ZNF385D: variants seen among roughly 807,000 people sequenced by gnomAD.
ZNF385D encodes the protein zinc finger protein 385D.
Under a neutral mutation model 35.8 loss-of-function variants are expected in ZNF385D, and 15 were observed. The observed-to-expected ratio is 0.42, with a 90% CI of 0.28 to 0.64. ZNF385D has a LOEUF of 0.64. Among genes scored for constraint, ZNF385D ranks in the 30% least tolerant of loss-of-function variants. The pLI, the probability that ZNF385D is intolerant of heterozygous loss-of-function variation, is 0.23. For synonymous variants in ZNF385D, 212 were observed against 186.8 expected (o/e 1.13, Z -1.10); for missense variants, 474 against 494.6 (o/e 0.96, Z 0.39).
intron 3 of ZNF385D, among the ~76,000 whole-genome samples, chr3:22,119,152 G>A (rs1165866448): frequency 6.6e-6 from 1 of 152,148 alleles, no homozygotes; most frequent in African/African-American, 2.4e-5. Flanking sequence ...CCACCCGCCT[G>A]ATGAACTTTG....
chr3:22,367,056 ATTC>A (rs1363932814), intron 2 of ZNF385D, among the ~76,000 whole-genome samples: 2 of 152,240 alleles, frequency 1.3e-5, no homozygotes, highest in Non-Finnish European at 2.9e-5. Context: ...GAAAGAATAT[ATTC>A]TTATTGTTTT....
At chr3:21,700,824 T>C (rs1249186013) in intron 1 of ZNF385D, among the ~76,000 whole-genome samples, 1 of 152,214 alleles carries the variant, frequency 6.6e-6, no homozygotes, top group Non-Finnish European at 1.5e-5. Context: ...AGGTAAGACA[T>C]CCAAAGCAGT....
chr3:21,980,766 T>G (rs535230817), intron 3 of ZNF385D, among the ~76,000 whole-genome samples: 11 of 152,274 alleles, frequency 7.2e-5, no homozygotes, highest in African/African-American at 2.6e-4. Context: ...CTTCTTTGTG[T>G]TCATAAGTTC....
At chr3:21,914,318 A>G (rs1239443234) in intron 3 of ZNF385D, among the ~76,000 whole-genome samples, 1 of 151,572 alleles carries the variant, frequency 6.6e-6, no homozygotes, top group Non-Finnish European at 1.5e-5. Context: ...TAAGTAAATT[A>G]TCTTCAAATG....
chr3:22,016,935 G>GACACAC (rs140018760), intron 3 of ZNF385D, among the ~76,000 whole-genome samples: 5,930 of 148,832 alleles, frequency 0.04, 386 homozygotes, highest in African/African-American at 0.14. Context: ...CCATCCATCG[G>GACACAC]ACACACACAC....
At chr3:21,731,370 CAG>C (rs1383050707) in intron 1 of ZNF385D, among the ~76,000 whole-genome samples, 2 of 152,086 alleles carry the variant, frequency 1.3e-5, no homozygotes, top group Non-Finnish European at 2.9e-5. Context: ...TTTAGGCTCA[CAG>C]CCATATTGAA....
chr3:21,478,307 G>A (rs1704379699), intron 4 of ZNF385D, among the ~76,000 whole-genome samples: 1 of 152,058 alleles, frequency 6.6e-6, no homozygotes, highest in Non-Finnish European at 1.5e-5. Flanking sequence ...TCTCTGCAGT[G>A]TTCTTCCCTA....
intron 2 of ZNF385D, among the ~76,000 whole-genome samples, chr3:22,210,802 G>A (rs1346640102): frequency 6.7e-6 from 1 of 150,300 alleles, no homozygotes; most frequent in Non-Finnish European, 1.5e-5. Context: ...CACCACTCTG[G>A]ATCCATGTAC....
chr3:21,563,608 A>C (rs910297993), intron 3 of ZNF385D, among the ~76,000 whole-genome samples: 2 of 152,324 alleles, frequency 1.3e-5, no homozygotes, highest in South Asian at 2.1e-4. Context: ...TAAGAGTCCT[A>C]CTTGACTGGA....
chr3:21,704,200 C>A (rs2067811300), intron 1 of ZNF385D, among the ~76,000 whole-genome samples: 1 of 152,184 alleles, frequency 6.6e-6, no homozygotes, highest in Non-Finnish European at 1.5e-5. Context: ...CATTGCCTTG[C>A]TGCTGTAACT....
chr3:21,973,352 T>G (rs1703387662), intron 3 of ZNF385D, among the ~76,000 whole-genome samples: 1 of 151,990 alleles, frequency 6.6e-6, no homozygotes, highest in Non-Finnish European at 1.5e-5. Context: ...AAAAAGCATT[T>G]GCTACATTTT....
chr3:21,963,477 C>T (rs1260506179), intron 3 of ZNF385D, among the ~76,000 whole-genome samples: 1 of 152,182 alleles, frequency 6.6e-6, no homozygotes, highest in Non-Finnish European at 1.5e-5. Context: ...AATTAACATC[C>T]TTATTGCCTA....
chr3:22,174,864 G>C (rs149680065), intron 2 of ZNF385D, among the ~76,000 whole-genome samples: 1 of 151,862 alleles, frequency 6.6e-6, no homozygotes, highest in Non-Finnish European at 1.5e-5. Context: ...AACACAACAG[G>C]TGACAGATTT....
intron 2 of ZNF385D, among the ~76,000 whole-genome samples, chr3:22,353,714 C>T (rs921281591): frequency 3.9e-5 from 6 of 152,166 alleles, no homozygotes; most frequent in Admixed American, 6.6e-5. Context: ...AGTCCTTCTA[C>T]AGTCCTGTTC....
chr3:22,198,705 A>G (rs1696585468), intron 2 of ZNF385D, among the ~76,000 whole-genome samples: 1 of 152,130 alleles, frequency 6.6e-6, no homozygotes, highest in Admixed American at 6.6e-5. Flanking sequence ...AAATGTGTAC[A>G]TGGCAGGAAG....
intron 2 of ZNF385D, among the ~76,000 whole-genome samples, chr3:21,651,260 C>T (rs1355491730): frequency 8.0e-6 from 1 of 124,832 alleles, no homozygotes; most frequent in Non-Finnish European, 1.6e-5. Flanking sequence ...CGCACTCCAG[C>T]CTGGGCGACA....
rs115626392 is a variant in ZNF385D, at chr3:21,772,760, G to T, written c.326-107732C>A. Among the ~76,000 whole-genome samples, 426 of 151,960 alleles carry T rather than the reference G, an allele frequency of 2.8e-3. 2 individuals are homozygous for T. The highest frequency in any genetic ancestry group is 9.4e-3 in the African/African-American group (392 of 41,506). The stretch of plus-strand genomic sequence containing the variant: ...TGCAAAGAGATATTTGAACACCTAC[G>T]TTCATAACAGTGTTATTCACAATTG... On this transcript the variant is annotated intron_variant, in intron 3 of 5. Transcript: ENST00000494108.
At chr3:21,774,971 G>A (rs375695647) in intron 3 of ZNF385D, among the ~76,000 whole-genome samples, 85 of 151,980 alleles carry the variant, frequency 5.6e-4, no homozygotes, top group African/African-American at 1.9e-3. Context: ...GCAAAGCCCT[G>A]ACTTGTATCA....
chr3:21,724,668 C>A (rs924098543), intron 1 of ZNF385D, among the ~76,000 whole-genome samples: 1 of 151,820 alleles, frequency 6.6e-6, no homozygotes, highest in African/African-American at 2.4e-5. Flanking sequence ...GACAGGAGCA[C>A]CCAGATTCAT....
Sources: allele counts gnomAD v4.1 joint callset (sites outside exome capture counted in the v4.1 genomes callset), GRCh38; gene constraint gnomAD v4.1.1; transcripts MANE v1.5; gene names NCBI Gene and HGNC (gene_info 2026-07-23, HGNC 2026-07-21).